AGBL1: variants seen among roughly 807,000 people sequenced by gnomAD.
AGBL1 encodes the protein cytosolic carboxypeptidase 4.
AGBL1 carries 130 observed loss-of-function variants against 118.9 expected under a neutral mutation model. That is an observed-to-expected ratio of 1.09 (90% CI 0.95 to 1.26). The LOEUF is 1.26. Ranked by LOEUF, AGBL1 falls within the 50% of genes most tolerant of loss-of-function variation. AGBL1 has a pLI of 0.00. For missense variants in AGBL1, 1,584 were observed against 1,298.1 expected (o/e 1.22, Z -3.38); for synonymous variants, 555 against 478.9 (o/e 1.16, Z -2.08).
intron 21 of AGBL1, among the ~76,000 whole-genome samples, chr15:86,646,790 A>G (rs1301171407): frequency 6.6e-6 from 1 of 152,206 alleles, no homozygotes; most frequent in African/African-American, 2.4e-5. Context: ...AGAAAATGGA[A>G]CGATTCTGCC....
At chr15:86,475,442 G>A (rs919403632) in intron 18 of AGBL1, among the ~76,000 whole-genome samples, 11 of 152,158 alleles carry the variant, frequency 7.2e-5, no homozygotes, top group African/African-American at 2.7e-4. Flanking sequence ...AGCTTCAGTA[G>A]GCAATTCGAT....
rs114778685 is a variant in AGBL1, at chr15:86,505,006, G to A, written c.2556-17804G>A. 6.0e-3 allele frequency among the ~76,000 whole-genome samples: 906 copies of A among 151,430 alleles called. 14 individuals are homozygous for A. Among genetic ancestry groups the A allele is most frequent in the African/African-American group, 0.02 (819 of 41,370 alleles). On this transcript the variant is annotated intron_variant, in intron 18 of 22. Transcript: ENST00000614907. ...TGTTAGGAAACAAATTAATTTCTCC[G>A]TTAAAAAATAGTTTTGCTAAGTATA...
In AGBL1 at chr15:86,734,880, T is replaced by C. The variant is rs112846542; in HGVS notation, c.3158+60444T>C. Among the ~76,000 whole-genome samples the C allele has an allele frequency of 7.9e-5, 12 of 152,218 alleles. 2 individuals are homozygous for C. The highest frequency in any genetic ancestry group is 2.6e-4 in the African/African-American group (11 of 41,550). On this transcript the variant is annotated intron_variant, in intron 22 of 22. Coordinates refer to ENST00000614907, the MANE Select transcript of AGBL1 (RefSeq NM_001386094.1). ...TCCCTGAGTGAGCTGATGGGGAATA[T>C]GTTGTAGAATTGTGAGGGAACAATA...
chr15:86,988,128 G>T lies in AGBL1; in HGVS notation c.3323+40G>T. 3 of 1,600,048 alleles carry T rather than the reference G, an allele frequency of 1.9e-6. No homozygotes were observed. In the South Asian group the frequency reaches 3.4e-5, roughly 18 times the overall value. ...TTCCTGATTGTACATTGCTTGGGGC[G>T]GGGATTGCTGGATGAAATACCCTGC... On this transcript the variant is annotated intron_variant, in intron 24 of 24. Coordinates refer to the AGBL1 transcript ENST00000441037.
At chr15:86,673,475 C>T (rs765808887) in intron 21 of AGBL1, among the ~76,000 whole-genome samples, 1 of 152,144 alleles carries the variant, frequency 6.6e-6, no homozygotes, top group Non-Finnish European at 1.5e-5. Flanking sequence ...ACTGAATTTA[C>T]TTATTAGCCT....
At chr15:86,605,010 G>A (rs933491714) in intron 21 of AGBL1, among the ~76,000 whole-genome samples, 1 of 151,894 alleles carries the variant, frequency 6.6e-6, no homozygotes, top group Non-Finnish European at 1.5e-5. Context: ...GGTCAGGCTG[G>A]TCTCGAACTC....
intron 22 of AGBL1, among the ~76,000 whole-genome samples, chr15:86,730,922 G>T (rs2077518353): frequency 6.6e-6 from 1 of 152,074 alleles, no homozygotes; most frequent in South Asian, 2.1e-4. Context: ...CGGCCTCGTG[G>T]GTTCAAGTGA....
intron 5 of AGBL1, among the ~76,000 whole-genome samples, chr15:86,205,247 A>T (rs557840749): frequency 6.6e-6 from 1 of 152,300 alleles, no homozygotes; most frequent in South Asian, 2.1e-4. Flanking sequence ...AGCAATATGC[A>T]CTTAAGGGTT....
At chr15:86,653,923 C>G (rs945709840) in intron 21 of AGBL1, among the ~76,000 whole-genome samples, 1 of 152,034 alleles carries the variant, frequency 6.6e-6, no homozygotes, top group Non-Finnish European at 1.5e-5. Flanking sequence ...TGTGAAGGAG[C>G]TGCAATTAGT....
At chr15:86,322,878 C>A (rs553135753) in intron 17 of AGBL1, among the ~76,000 whole-genome samples, 35 of 152,328 alleles carry the variant, frequency 2.3e-4, no homozygotes, top group African/African-American at 8.4e-4. Context: ...ACTCCCTTTG[C>A]AAAAGTGTTT....
chr15:86,718,163 A>G (rs1222691680), intron 22 of AGBL1, among the ~76,000 whole-genome samples: 1 of 152,218 alleles, frequency 6.6e-6, no homozygotes, highest in African/African-American at 2.4e-5. Flanking sequence ...CCAGAGCCAG[A>G]GACCCTACCA....
chr15:86,325,746 A>G (rs1029457988), intron 17 of AGBL1, among the ~76,000 whole-genome samples: 5 of 152,166 alleles, frequency 3.3e-5, no homozygotes, highest in African/African-American at 1.2e-4. Flanking sequence ...TCACCAGACA[A>G]GGCATTGGAC....
intron 23 of AGBL1, among the ~76,000 whole-genome samples, chr15:86,928,840 C>T (rs1352787734): frequency 6.6e-6 from 1 of 150,962 alleles, no homozygotes; most frequent in Non-Finnish European, 1.5e-5. Flanking sequence ...TTAATTTAAG[C>T]TGTGTTAATT....
At chr15:86,604,655 T>C (rs530094560) in intron 21 of AGBL1, among the ~76,000 whole-genome samples, 29 of 152,146 alleles carry the variant, frequency 1.9e-4, no homozygotes, top group Non-Finnish European at 3.4e-4. Context: ...AATTAACAGG[T>C]AACAAAATTT....
chr15:86,805,368 C>G (rs1293884891), intron 22 of AGBL1, among the ~76,000 whole-genome samples: 1 of 152,048 alleles, frequency 6.6e-6, no homozygotes, highest in Non-Finnish European at 1.5e-5. Flanking sequence ...TCTGCAAGAG[C>G]CTTGTTCCTC....
intron 6 of AGBL1, among the ~76,000 whole-genome samples, chr15:86,242,443 A>G (rs1208665560): frequency 6.6e-6 from 1 of 152,224 alleles, no homozygotes; most frequent in East Asian, 1.9e-4. Flanking sequence ...TATTTTGGAT[A>G]AAGACTGAGT....
chr15:86,907,524 A>G lies in AGBL1; in HGVS notation c.*230A>G, dbSNP rs1295961816. ...TTAGGTAGCCCTTGGGGCCTATGCAAGCTGCTATTGTACTTAGAATGGGAC... is the reference window on the plus strand; with the variant it reads ...TTAGGTAGCCCTTGGGGCCTATGCAGGCTGCTATTGTACTTAGAATGGGAC... On this transcript the variant is annotated 3_prime_UTR_variant, in exon 23 of 23. Coordinates refer to ENST00000614907, the MANE Select transcript of AGBL1 (RefSeq NM_001386094.1). 2 of 152,124 alleles carry G rather than the reference A, an allele frequency of 1.3e-5. No homozygotes were observed. The highest frequency in any genetic ancestry group is 2.9e-5 in the Non-Finnish European group (2 of 68,024). The allele number at this position is 152,124 out of a possible 1,614,324, so 9.4% of individuals were successfully genotyped here. A position where few individuals can be genotyped will look rare whatever the true frequency, so the allele number is the denominator to read the frequency against.
chr15:86,351,107 T>G (rs950520858), intron 17 of AGBL1, among the ~76,000 whole-genome samples: 1 of 152,138 alleles, frequency 6.6e-6, no homozygotes, highest in African/African-American at 2.4e-5. Flanking sequence ...GGCTAGGTAA[T>G]TTATAATAAA....
intron 17 of AGBL1, among the ~76,000 whole-genome samples, chr15:86,316,464 C>T (rs1004610536): frequency 8.5e-5 from 13 of 152,108 alleles, no homozygotes. Flanking sequence ...GGAAGCCTGA[C>T]GGCCCTGGCT....
Sources: allele counts gnomAD v4.1 joint callset (sites outside exome capture counted in the v4.1 genomes callset), GRCh38; gene constraint gnomAD v4.1.1; transcripts MANE v1.5; gene names NCBI Gene and HGNC (gene_info 2026-07-23, HGNC 2026-07-21).